Variants in SUCLA2 observed in about 807,000 individuals in gnomAD.
SUCLA2 encodes the protein succinate-CoA ligase ADP-forming subunit beta.
Under a neutral mutation model 54.8 loss-of-function variants are expected in SUCLA2, and 30 were observed. The observed-to-expected ratio is 0.55, with a 90% CI of 0.41 to 0.74. The LOEUF is 0.74. Ranked by LOEUF, SUCLA2 falls within the 30% of genes least tolerant of loss-of-function variation. The pLI, the probability that SUCLA2 is intolerant of heterozygous loss-of-function variation, is 0.00. For missense variants in SUCLA2, 476 were observed against 562.9 expected (o/e 0.85, Z 1.56); for synonymous variants, 172 against 188.9 (o/e 0.91, Z 0.74).
chr13:47,954,964 C>A (rs184863504), intron 6 of SUCLA2, among the ~76,000 whole-genome samples: 96 of 152,178 alleles, frequency 6.3e-4, no homozygotes, highest in Admixed American at 3.7e-3. Context: ...CTGCCTCCCC[C>A]CACCCCTTAC....
intron 6 of SUCLA2, among the ~76,000 whole-genome samples, chr13:47,965,058 G>A (rs771358812): frequency 8.6e-5 from 13 of 150,942 alleles, no homozygotes; most frequent in East Asian, 3.9e-4. Flanking sequence ...GACAGTCTGC[G>A]TAACAAAATA....
rs539022543 is a variant in SUCLA2, at chr13:47,964,844, A to G, written c.802+3751T>C. 2.6e-3 allele frequency among the ~76,000 whole-genome samples: 389 copies of G among 151,932 alleles called. 1 individual carries two copies. The highest frequency in any genetic ancestry group is 8.7e-3 in the African/African-American group (360 of 41,480). On this transcript the variant is annotated intron_variant, in intron 6 of 10. Coordinates refer to ENST00000646932, the MANE Select transcript of SUCLA2 (RefSeq NM_003850.3). ...TGCACTCCAGCCTGGGTGACAGAGC[A>G]AGACCCCGTCTCAAAAAAAAAATGT... is the stretch of plus-strand genomic sequence containing the variant.
chr13:47,961,620 T>G (rs1256677981), intron 6 of SUCLA2, among the ~76,000 whole-genome samples: 1 of 152,206 alleles, frequency 6.6e-6, no homozygotes, highest in Admixed American at 6.5e-5. Flanking sequence ...CATTATCAAA[T>G]GTGAGGTAGT....
rs771276854 is a variant in SUCLA2, at chr13:47,954,509, C to T, written c.851G>A (p.Arg284His). 1.9e-5 allele frequency: 30 copies of T among 1,613,554 alleles called. No homozygotes were observed. Among genetic ancestry groups the T allele is most frequent in the East Asian group, 6.7e-5 (3 of 44,880 alleles). The change falls in exon 7 of 11, where the codon CGC becomes CAC. Residue 284 changes from arginine to histidine, a missense_variant. This residue lies in a region of SUCLA2 where 342 missense variants were observed against 444.2 expected (regional missense o/e 0.77). Coordinates refer to ENST00000646932, the MANE Select transcript of SUCLA2 (RefSeq NM_003850.3). Reference sequence around the variant, plus strand: ...CTGTAGATCAAAGATTTTCTTTTGGCGATAGGCTGAATTAGAGTCAAAATT... The same window carrying T: ...CTGTAGATCAAAGATTTTCTTTTGGTGATAGGCTGAATTAGAGTCAAAATT... ...KINFDSNSAY[R>H]QKKIFDLQDW...
At chr13:47,948,301 GT>G (rs1293141786) in intron 10 of SUCLA2, among the ~76,000 whole-genome samples, 1 of 152,040 alleles carries the variant, frequency 6.6e-6, no homozygotes, top group Non-Finnish European at 1.5e-5. Flanking sequence ...ACTCTCTTTT[GT>G]TTTTTCAATA....
intron 6 of SUCLA2, among the ~76,000 whole-genome samples, chr13:47,966,242 G>A (rs1344190373): frequency 1.3e-5 from 2 of 152,052 alleles, no homozygotes; most frequent in Non-Finnish European, 2.9e-5. Context: ...GTATTTAGGA[G>A]TTCCTTATAG....
chr13:47,971,597 T>C (rs544569622), intron 5 of SUCLA2: 6 of 217,128 alleles, frequency 2.8e-5, no homozygotes, highest in South Asian at 4.1e-4. Flanking sequence ...ACAAGGACAA[T>C]AGAGAAAACC....
At chr13:47,962,208 GTA>G (rs1359627395) in intron 6 of SUCLA2, among the ~76,000 whole-genome samples, 6 of 152,092 alleles carry the variant, frequency 3.9e-5, no homozygotes, top group Admixed American at 6.6e-5. Flanking sequence ...TACTTTAAGT[GTA>G]TTGAGTAGAG....
intron 10 of SUCLA2, among the ~76,000 whole-genome samples, chr13:47,944,396 T>C (rs1949712376): frequency 1.3e-5 from 2 of 152,200 alleles, no homozygotes; most frequent in Admixed American, 1.3e-4. Flanking sequence ...AGTCATAATT[T>C]AAATCAACTG....
intron 8 of SUCLA2, among the ~76,000 whole-genome samples, chr13:47,952,911 T>G (rs76263305): frequency 0.014 from 2,175 of 152,238 alleles, 45 homozygotes; most frequent in African/African-American, 0.047. Context: ...TACATTTTCT[T>G]CCTCTTGCCC....
intron 4 of SUCLA2, among the ~76,000 whole-genome samples, chr13:47,984,213 T>TG (rs1950081402): frequency 6.6e-6 from 1 of 151,918 alleles, no homozygotes; most frequent in Non-Finnish European, 1.5e-5. Context: ...TTTTTTATTT[T>TG]GACACAGTCT....
rs1434645616 is a variant in SUCLA2 at position 47,959,880 on chromosome 13, G to A, written c.803-5323C>T. Reference sequence around the variant, plus strand: ...AGTTAAGCATGAAGCCAGATCTAGTGTGGACCCATATTTCACATACATGCT... The same window carrying A: ...AGTTAAGCATGAAGCCAGATCTAGTATGGACCCATATTTCACATACATGCT... On this transcript the variant is annotated intron_variant, in intron 6 of 10. Transcript: ENST00000646932. Among the ~76,000 whole-genome samples, 5 of 152,266 alleles carry A rather than the reference G, an allele frequency of 3.3e-5. No individual in the cohort carries two copies. The South Asian group carries it at 8.3e-4, about 25-fold the overall frequency.
chr13:47,967,466 C>T (rs575975033), intron 6 of SUCLA2, among the ~76,000 whole-genome samples: 1 of 151,650 alleles, frequency 6.6e-6, no homozygotes, highest in East Asian at 1.9e-4. Context: ...TAAACTGACC[C>T]AAAAGAAAAA....
intron 4 of SUCLA2, among the ~76,000 whole-genome samples, chr13:47,983,517 T>G (rs1950075507): frequency 1.4e-5 from 2 of 146,554 alleles, no homozygotes; most frequent in South Asian, 2.1e-4. Flanking sequence ...TGAGACGGAG[T>G]CTCGCTCTGT....
chr13:47,961,582 G>A (rs146383561), intron 6 of SUCLA2, among the ~76,000 whole-genome samples: 14 of 152,124 alleles, frequency 9.2e-5, no homozygotes, highest in African/African-American at 3.1e-4. Flanking sequence ...GGCTTATTAG[G>A]CTTGTTATGT....
At chr13:47,943,775 T>A (rs905578504) in intron 10 of SUCLA2, among the ~76,000 whole-genome samples, 5 of 148,458 alleles carry the variant, frequency 3.4e-5, no homozygotes, top group African/African-American at 9.8e-5. Flanking sequence ...TGTATATATA[T>A]ATATATTATT....
chr13:47,950,652 T>C (rs375465432), intron 8 of SUCLA2, among the ~76,000 whole-genome samples: 4 of 152,080 alleles, frequency 2.6e-5, no homozygotes, highest in African/African-American at 9.6e-5. Flanking sequence ...CCAAATAATC[T>C]CTCTTTTTTA....
chr13:47,998,543 A>G (rs976349396), intron 1 of SUCLA2, among the ~76,000 whole-genome samples: 10 of 152,218 alleles, frequency 6.6e-5, no homozygotes, highest in African/African-American at 2.2e-4. Flanking sequence ...GTATATGTAT[A>G]TAATAGTATA....
At chr13:47,949,667 AT>A in intron 8 of SUCLA2, 64 bp from the exon 9 acceptor site, 1 of 1,502,596 alleles carries the variant, frequency 6.7e-7, no homozygotes, top group East Asian at 2.3e-5. Flanking sequence ...TCCCCAAAAA[AT>A]ACTAGTATAT....
Sources: allele counts gnomAD v4.1 joint callset (sites outside exome capture counted in the v4.1 genomes callset), GRCh38; gene constraint gnomAD v4.1.1; regional missense constraint gnomAD v4.1.1; transcripts MANE v1.5; gene names NCBI Gene and HGNC (gene_info 2026-07-23, HGNC 2026-07-21).